DPH1: variants seen among roughly 807,000 people sequenced by gnomAD.
DPH1 encodes the protein 2-(3-amino-3-carboxypropyl)histidine synthase subunit 1.
Under a neutral mutation model 55.3 loss-of-function variants are expected in DPH1, and 59 were observed. The observed-to-expected ratio is 1.07, with a 90% CI of 0.87 to 1.33. DPH1 has a LOEUF of 1.33. Among genes scored for constraint, DPH1 ranks in the 40% most tolerant of loss-of-function variants. The pLI is 0.00. For synonymous variants in DPH1, 238 were observed against 235.5 expected, an observed-to-expected ratio of 1.01 and a Z score of -0.10; for missense variants, 628 against 584.8, an observed-to-expected ratio of 1.07 and a Z score of -0.76.
intron 6 of DPH1, chr17:2,038,971 C>G (rs898792906): frequency 1.3e-5 from 2 of 152,136 alleles, no homozygotes; most frequent in Non-Finnish European, 2.9e-5. Flanking sequence ...TTATTTCACA[C>G]GTGAGAAAAC....
intron 3 of DPH1, 140 bp from the exon 4 acceptor site, chr17:2,035,830 G>A (rs953132144): frequency 1.3e-5 from 17 of 1,326,602 alleles, no homozygotes; most frequent in African/African-American, 2.9e-5. Flanking sequence ...TTTGTTGGCA[G>A]AAGTGGCAGC....
intron 1 of DPH1, among the ~76,000 whole-genome samples, chr17:2,031,709 C>T (rs2067335163): frequency 6.6e-6 from 1 of 152,090 alleles, no homozygotes; most frequent in Non-Finnish European, 1.5e-5. Flanking sequence ...CCCCTGCACT[C>T]CAGCCTGGGT....
At chr17:2,041,408 G>A in intron 10 of DPH1, 73 bp from the exon 11 acceptor site, 1 of 1,553,924 alleles carries the variant, frequency 6.4e-7, no homozygotes, top group Non-Finnish European at 8.7e-7. Flanking sequence ...AGGCCGTCGT[G>A]AGGACTGAAT....
In DPH1 at chr17:2,043,220, TAA is replaced by T; in HGVS notation, c.*635_*636del. 12 of 1,276,922 alleles carry T rather than the reference TAA, an allele frequency of 9.4e-6. No homozygotes were observed. In the South Asian group the frequency reaches 1.6e-4, roughly 17 times the overall value. 79.1% of individuals were successfully genotyped at this position (1,276,922 alleles called of 1,614,324 possible). ...GTGAGTGCGCCTCACCAGAACCAGT[TAA>T]GAGACAACTATCAATTCTTGAGACC... On this transcript the variant is annotated 3_prime_UTR_variant, in exon 13 of 13. Coordinates refer to ENST00000263083, the MANE Select transcript of DPH1 (RefSeq NM_001383.6).
rs1407758145 is a variant in DPH1, at chr17:2,040,080, C to T, written c.750-138C>T. 12 of 1,281,248 alleles carry T rather than the reference C, an allele frequency of 9.4e-6. No individual in the cohort carries two copies. The South Asian group carries it at 1.2e-4, about 13-fold the overall frequency. The allele number at this position is 1,281,248 out of a possible 1,614,324, so 79.4% of individuals were successfully genotyped here. ...TGGGACAGGTCTTCCTAATGACAGT[C>T]CCCGCTCTTGCCTCTGTTCTTAATT... On this transcript the variant is annotated intron_variant, in intron 7 of 12. Transcript: ENST00000263083.
chr17:2,039,851 C>T, intron 7 of DPH1, 28 bp downstream of exon 7: 1 of 1,613,894 alleles, frequency 6.2e-7, no homozygotes, highest in Non-Finnish European at 8.5e-7. Flanking sequence ...CTGGGCTGAC[C>T]AGCTGGTGAG....
Position 2,042,205 on chromosome 17 carries a change from G to C in DPH1, c.*18+330G>C. 7.0e-7 allele frequency: 1 copy of C among 1,432,880 alleles called. No individual in the cohort carries two copies. The highest frequency in any genetic ancestry group is 1.4e-5 in the South Asian group (1 of 69,090). The allele number at this position is 1,432,880 out of a possible 1,614,324, so 88.8% of individuals were successfully genotyped here. A position where few individuals can be genotyped will look rare whatever the true frequency, so the allele number is the denominator to read the frequency against. ...CCGCACCCGGTCCCCGACCCCCCGG[G>C]CCCCGAGGGCGCCAGATCAGACTTC... is the stretch of plus-strand genomic sequence containing the variant. On this transcript the variant is annotated intron_variant, in intron 12 of 12. Transcript: ENST00000263083.
In DPH1 at chr17:2,036,315, G is replaced by C. The variant is rs759763658; in HGVS notation, c.401-214G>C. On this transcript the variant is annotated intron_variant, in intron 4 of 12. Coordinates refer to ENST00000263083, the MANE Select transcript of DPH1 (RefSeq NM_001383.6). The surrounding 1 kb of genome is among the most constrained non-coding windows in gnomAD (Gnocchi z 4.8). ...CCCAGATGCAGGTGTTTGAAAGGCT[G>C]TTGGTTGTAGAGCAGGCTGGGCCCC... 688 of 1,062,114 alleles carry C rather than the reference G, an allele frequency of 6.5e-4. No individual in the cohort carries two copies. The highest frequency in any genetic ancestry group is 8.0e-4 in the Non-Finnish European group (607 of 757,704). 65.8% of individuals were successfully genotyped at this position (1,062,114 alleles called of 1,614,324 possible).
At chr17:2,032,287 C>G (rs992061416) in intron 1 of DPH1, among the ~76,000 whole-genome samples, 1 of 152,142 alleles carries the variant, frequency 6.6e-6, no homozygotes, top group South Asian at 2.1e-4. Context: ...GGGCTGTTCT[C>G]TATCAGGGAG....
chr17:2,043,234 CA>C lies in DPH1; in HGVS notation c.*650del. 8.4e-7 allele frequency: 1 copy of C among 1,184,794 alleles called. No homozygotes were observed. Among genetic ancestry groups the C allele is most frequent in the Non-Finnish European group, 1.2e-6 (1 of 850,180 alleles). The allele number at this position is 1,184,794 out of a possible 1,614,324, so 73.4% of individuals were successfully genotyped here. ...CCAGAACCAGTTAAGAGACAACTATCAATTCTTGAGACCCAAATTATAAGGG... is the reference window on the plus strand; with the variant it reads ...CCAGAACCAGTTAAGAGACAACTATCATTCTTGAGACCCAAATTATAAGGG... On this transcript the variant is annotated 3_prime_UTR_variant, in exon 13 of 13. Coordinates refer to ENST00000263083, the MANE Select transcript of DPH1 (RefSeq NM_001383.6).
intron 12 of DPH1, chr17:2,042,139 A>G: frequency 6.5e-7 from 1 of 1,545,828 alleles, no homozygotes; most frequent in Non-Finnish European, 8.7e-7. Context: ...GCGCTGAGGA[A>G]GGCGCTGCGG....
At position 2,041,499 on chromosome 17, in the gene DPH1, G is replaced by T. The variant is rs1330385795; in HGVS notation, c.1105G>T (p.Asp369Tyr). ...CCCCTAGGCGGCCGTGGCTCTGAGG[G>T]ACATTTCCTGGCAGCAGCCCTACCC... is the stretch of plus-strand genomic sequence containing the variant. ...TPYEAAVALR[D>Y]ISWQQPYPMD... The change falls in exon 11 of 13, where the codon GAC becomes TAC. Residue 369 changes from aspartate to tyrosine, a missense_variant. Asp to Tyr is a radical substitution (Grantham distance 160). Transcript: ENST00000263083. 1.2e-6 allele frequency: 2 copies of T among 1,611,142 alleles called. No homozygotes were observed. Among genetic ancestry groups the T allele is most frequent in the Admixed American group, 3.4e-5 (2 of 59,422 alleles).
intron 12 of DPH1, 32 bp downstream of exon 12, chr17:2,041,907 T>A: frequency 6.5e-7 from 1 of 1,544,446 alleles, no homozygotes; most frequent in Non-Finnish European, 8.7e-7. Flanking sequence ...GCGCCCCGCC[T>A]TTTGCCGTTG....
chr17:2,042,029 TCGC>T, intron 12 of DPH1, 154 bp downstream of exon 12: 4 of 1,501,434 alleles, frequency 2.7e-6, no homozygotes, highest in Non-Finnish European at 3.5e-6. Context: ...GGTGCTTCCG[TCGC>T]TCCTTGCCGG....
At position 2,041,149 on chromosome 17, in the gene DPH1, G is replaced by T. The variant is rs985735275; in HGVS notation, c.1054G>T (p.Ala352Ser). ...ACGTCTCTCCATTGACTGGGGCACA[G>T]CCTTCCCCAAGCCGCTGCTGACACC... ...CPRLSIDWGTAFPKPLLTPYE... is the reference protein window; with the variant it reads ...CPRLSIDWGTSFPKPLLTPYE... Residue 352 changes from alanine (A) to serine (S), a missense_variant, in exon 10 of 13, where the codon GCC becomes TCC. Ala to Ser is a moderately conservative substitution (Grantham distance 99, BLOSUM62 1). Transcript: ENST00000263083. 3.3e-5 allele frequency: 53 copies of T among 1,606,014 alleles called. No homozygotes were observed. Among genetic ancestry groups the T allele is most frequent in the Non-Finnish European group, 4.3e-5 (50 of 1,176,444 alleles).
At chr17:2,040,192 A>C (rs1160426631) in intron 7 of DPH1, 26 bp from the exon 8 acceptor site, 1 of 1,612,130 alleles carries the variant, frequency 6.2e-7, no homozygotes, top group Non-Finnish European at 8.5e-7. Flanking sequence ...TGGCTGCCAC[A>C]GTGACCCTGA....
At position 2,033,815 on chromosome 17, in the gene DPH1, C is replaced by T; in HGVS notation, c.251C>T (p.Ala84Val). Residue 84 changes from alanine to valine, a missense_variant, in exon 3 of 13, where the codon GCC becomes GTC. Physicochemically the swap from Ala to Val is moderately conservative, Grantham distance 64. Transcript: ENST00000263083. ...ATGCCGGAAGGCCTCCTCCTCTTTG[C>T]CTGTACCATTGTGGATATCTTGGAA... The part of the protein sequence containing the change: ...LQMPEGLLLF[A>V]CTIVDILERF... 1.2e-6 allele frequency: 2 copies of T among 1,614,176 alleles called. No individual in the cohort carries two copies. Among genetic ancestry groups the T allele is most frequent in the African/African-American group, 1.3e-5 (1 of 75,046 alleles).
At chr17:2,034,161 C>T (rs1260082266) in intron 3 of DPH1, among the ~76,000 whole-genome samples, 1 of 152,046 alleles carries the variant, frequency 6.6e-6, no homozygotes, top group Non-Finnish European at 1.5e-5. Context: ...ATTCTCCAAG[C>T]TGCCCCTGAA....
rs369013588 is a variant in DPH1, at chr17:2,042,676, T to C, written c.*90T>C. 28 of 1,526,330 alleles carry C rather than the reference T, an allele frequency of 1.8e-5. 2 individuals are homozygous for C. The African/African-American group carries it at 2.2e-4, about 12-fold the overall frequency. The allele number at this position is 1,526,330 out of a possible 1,614,324, so 94.5% of individuals were successfully genotyped here. ...GCAGGAGGCCGACGTTTTCTCCGCA[T>C]TGGAAGAGCCCGCCGTCTGCAGGGG... On this transcript the variant is annotated 3_prime_UTR_variant, in exon 13 of 13. Transcript: ENST00000263083.
Sources: gnomAD v4.1 joint callset for allele counts (sites outside exome capture counted in the v4.1 genomes callset) on GRCh38, gnomAD v4.1.1 for gene constraint, Gnocchi (gnomAD v3.1) non-coding constraint, MANE v1.5 for transcripts, NCBI Gene and HGNC (gene_info 2026-07-23, HGNC 2026-07-21) for gene names.